Variants in ATP7B observed in about 807,000 individuals in gnomAD.
ATP7B encodes the protein ATPase copper transporting beta, also known as copper-transporting ATPase 2.
Under a neutral mutation model 118.9 loss-of-function variants are expected in ATP7B, and 113 were observed. The ratio of observed to expected loss-of-function variants is 0.95; its 90% CI spans 0.82 to 1.11. ATP7B has a LOEUF of 1.11. ATP7B is among the 50% of genes most tolerant of loss of function. The pLI is 0.00. For synonymous variants in ATP7B, 777 were observed against 727.4 expected, an observed-to-expected ratio of 1.07 and a Z score of -1.10; for missense variants, 1,867 against 1,871.4, an observed-to-expected ratio of 1.00 and a Z score of 0.04.
At position 51,962,329 on chromosome 13, in the gene ATP7B, TCTTGCCACTGCGGCAGAACTCGGCTC is replaced by T. The variant is rs1958804780; in HGVS notation, c.1870-442_1870-417del. 2.0e-5 allele frequency among the ~76,000 whole-genome samples: 3 copies of T among 152,192 alleles called. No homozygotes were observed. The South Asian group carries it at 6.2e-4, about 31-fold the overall frequency. ...CAGCCTCCAGCTTCCAGCCCAGGCT[TCTTGCCACTGCGGCAGAACTCGGCTC>T]CTTCAGCATTTGGAAGCACAGCTTC... On this transcript the variant is annotated intron_variant, in intron 5 of 20. Coordinates refer to ENST00000242839, the MANE Select transcript of ATP7B (RefSeq NM_000053.4).
intron 12 of ATP7B, chr13:51,947,710 A>T (rs989429257): frequency 2.0e-5 from 3 of 152,200 alleles, no homozygotes; most frequent in African/African-American, 4.8e-5. Context: ...AATCTTTTTT[A>T]AAAATACACT....
intron 1 of ATP7B, among the ~76,000 whole-genome samples, chr13:52,000,872 T>C (rs1953461911): frequency 6.6e-6 from 1 of 151,986 alleles, no homozygotes; most frequent in Non-Finnish European, 1.5e-5. Flanking sequence ...AATAAAAAAT[T>C]AGCTGGGCAT....
chr13:52,011,352 A>G lies in ATP7B; in HGVS notation c.-15T>C. The stretch of plus-strand genomic sequence containing the variant: ...TGCTCAGGCATCGTCCCGCACGGAC[A>G]CCGAATTCTTCTCTGATCTGGCTCA... On this transcript the variant is annotated 5_prime_UTR_variant, in exon 1 of 21. Coordinates refer to ENST00000242839, the MANE Select transcript of ATP7B (RefSeq NM_000053.4). The G allele has an allele frequency of 6.2e-7, 1 of 1,614,204 alleles. No homozygotes were observed. The highest frequency in any genetic ancestry group is 8.5e-7 in the Non-Finnish European group (1 of 1,180,004).
chr13:51,974,702 C>T lies in ATP7B; in HGVS notation c.518G>A (p.Arg173Lys), dbSNP rs750569059. The change falls in exon 2 of 21, where the codon AGA (arginine) becomes AAA (lysine). Residue 173 changes from arginine (R) to lysine (K), a missense_variant. Arg to Lys is a conservative substitution (Grantham distance 26, BLOSUM62 2). Coordinates refer to ENST00000242839, the MANE Select transcript of ATP7B (RefSeq NM_000053.4). ...TTGGTTGCTGAGTGAGACTTTGACT[C>T]TCACTACTCCTTGCAGTTTCCGGAC... The part of the protein sequence containing the change: ...GKVRKLQGVV[R>K]VKVSLSNQEA... 1.2e-6 allele frequency: 2 copies of T among 1,612,790 alleles called. No individual in the cohort carries two copies. Among genetic ancestry groups the T allele is most frequent in the South Asian group, 2.2e-5 (2 of 91,052 alleles).
intron 4 of ATP7B, among the ~76,000 whole-genome samples, chr13:51,967,614 C>T (rs1406119070): frequency 1.3e-5 from 2 of 152,222 alleles, no homozygotes; most frequent in Non-Finnish European, 2.9e-5. Context: ...CCACAAAGAA[C>T]ACGGCTTATC....
intron 17 of ATP7B, among the ~76,000 whole-genome samples, chr13:51,938,085 GGTCCCAGA>G (rs1254551464): frequency 6.6e-6 from 1 of 152,142 alleles, no homozygotes; most frequent in African/African-American, 2.4e-5. Flanking sequence ...TGCTTCCGAG[GGTCCCAGA>G]GTCCCAGGGT....
chr13:52,008,110 G>T (rs907732282), intron 1 of ATP7B, among the ~76,000 whole-genome samples: 1 of 151,984 alleles, frequency 6.6e-6, no homozygotes, highest in Non-Finnish European at 1.5e-5. Context: ...GGGAGGCCGA[G>T]GTGGGCGGAT....
intron 9 of ATP7B, among the ~76,000 whole-genome samples, chr13:51,955,121 G>A (rs1473833186): frequency 6.6e-6 from 1 of 152,228 alleles, no homozygotes; most frequent in African/African-American, 2.4e-5. Flanking sequence ...AGAAGCCCAA[G>A]CCTCAGTCAA....
intron 1 of ATP7B, among the ~76,000 whole-genome samples, chr13:51,991,517 A>C (rs564092963): frequency 1.6e-4 from 25 of 152,238 alleles, no homozygotes; most frequent in Middle Eastern, 3.4e-3. Flanking sequence ...ACAAAAAAAA[A>C]CAGCAGCCAA....
chr13:51,950,525 T>C, intron 9 of ATP7B, 126 bp from the exon 10 acceptor site: 2 of 1,397,028 alleles, frequency 1.4e-6, no homozygotes, highest in Non-Finnish European at 2.0e-6. Context: ...ATTTGATCTG[T>C]TCATTTACAG....
rs1309085151 is a variant in ATP7B at position 51,974,291 on chromosome 13, G to A, written c.929C>T (p.Ala310Val). ...KYDPSCTSPV[A>V]LQRAIEALPP... ...AAGTGCCTCGATAGCCCTCTGCAGAGCCACTGGGCTGGTACAAGAAGGGTC... is the reference window on the plus strand; with the variant it reads ...AAGTGCCTCGATAGCCCTCTGCAGAACCACTGGGCTGGTACAAGAAGGGTC... The change falls in exon 2 of 21, where the codon GCT (alanine) becomes GTT (valine). Residue 310 changes from alanine to valine, a missense_variant. Transcript: ENST00000242839. The A allele has an allele frequency of 1.9e-6, 3 of 1,614,156 alleles. No individual in the cohort carries two copies. The highest frequency in any genetic ancestry group is 1.3e-5 in the African/African-American group (1 of 75,042).
At chr13:51,997,199 T>C (rs1296777139) in intron 1 of ATP7B, among the ~76,000 whole-genome samples, 1 of 152,216 alleles carries the variant, frequency 6.6e-6, no homozygotes, top group Non-Finnish European at 1.5e-5. Flanking sequence ...TTATGGGGCA[T>C]CAGAAGTAGA....
chr13:51,951,097 G>A (rs1566506667), intron 9 of ATP7B, among the ~76,000 whole-genome samples: 2 of 152,054 alleles, frequency 1.3e-5, no homozygotes, highest in Non-Finnish European at 1.5e-5. Context: ...AGAATGGGCT[G>A]TAGGGATGAT....
chr13:51,990,813 G>A (rs1952870209), intron 1 of ATP7B, among the ~76,000 whole-genome samples: 2 of 152,234 alleles, frequency 1.3e-5, no homozygotes, highest in Non-Finnish European at 2.9e-5. Flanking sequence ...AACCCACCCT[G>A]GCACAATGGC....
intron 17 of ATP7B, 148 bp from the exon 18 acceptor site, chr13:51,937,827 G>A (rs1210841235): frequency 8.8e-6 from 8 of 907,944 alleles, no homozygotes; most frequent in East Asian, 2.6e-5. Flanking sequence ...TGCTGTCACA[G>A]GGCCAGTTTA....
chr13:51,971,642 G>T (rs1951848620), intron 2 of ATP7B, among the ~76,000 whole-genome samples: 1 of 152,146 alleles, frequency 6.6e-6, no homozygotes, highest in African/African-American at 2.4e-5. Context: ...CTGTTCTATT[G>T]TGTTTTCCTT....
intron 7 of ATP7B, chr13:51,958,798 G>A (rs1958531465): frequency 3.9e-6 from 2 of 515,316 alleles, no homozygotes; most frequent in Non-Finnish European, 7.0e-6. Context: ...TCTAATAAGA[G>A]AATGGTGAAA....
intron 1 of ATP7B, among the ~76,000 whole-genome samples, chr13:51,983,799 G>C (rs1334923192): frequency 1.3e-5 from 2 of 152,144 alleles, no homozygotes; most frequent in Non-Finnish European, 2.9e-5. Context: ...GCAAACTCTA[G>C]CAGACCTGCA....
rs931666319 is a variant in ATP7B at position 51,940,932 on chromosome 13, A to C, written c.3556+149T>G. 4.5e-5 allele frequency: 56 copies of C among 1,243,236 alleles called. 2 individuals carry two copies. The South Asian group carries it at 6.9e-4, about 15-fold the overall frequency. 77.0% of individuals were successfully genotyped at this position (1,243,236 alleles called of 1,614,324 possible). A position where few individuals can be genotyped will look rare whatever the true frequency, so the allele number is the denominator to read the frequency against. On this transcript the variant is annotated intron_variant, in intron 16 of 20. Transcript: ENST00000242839. ...GGAAAGAATGAAGAGAAAAGACAAA[A>C]AGACAATCTTCTGGAAAACAGGCCT...
Sources: gnomAD v4.1 joint callset for allele counts (sites outside exome capture counted in the v4.1 genomes callset) on GRCh38, gnomAD v4.1.1 for gene constraint, MANE v1.5 for transcripts, NCBI Gene and HGNC (gene_info 2026-07-23, HGNC 2026-07-21) for gene names.